Variants in DIP2B observed in about 807,000 individuals in gnomAD.
DIP2B encodes DIP2 acetate--CoA ligase B (putative).
DIP2B carries 76 observed loss-of-function variants against 198.0 expected under a neutral mutation model. The ratio of observed to expected loss-of-function variants is 0.38; its 90% confidence interval spans 0.32 to 0.46. The LOEUF is 0.46. Ranked by LOEUF, DIP2B falls within the 20% of genes least tolerant of loss-of-function variation. The probability of loss-of-function intolerance (pLI) is 0.99; values close to 1 mark genes in which losing one functional copy is unlikely to be tolerated. For missense variants in DIP2B, 1,559 were observed against 1,978.4 expected (o/e 0.79, Z 4.02); for synonymous variants, 701 against 739.1 (o/e 0.95, Z 0.84).
intron 1 of DIP2B, among the ~76,000 whole-genome samples, chr12:50,520,035 CTT>C (rs35179881): frequency 1.1e-3 from 106 of 100,582 alleles, no homozygotes; most frequent in South Asian, 8.6e-3. Context: ...ATTGAATCTC[CTT>C]TTTTTTTTTT....
At chr12:50,676,810 A>G (rs973348659) in intron 7 of DIP2B, among the ~76,000 whole-genome samples, 5 of 152,242 alleles carry the variant, frequency 3.3e-5, no homozygotes, top group African/African-American at 9.7e-5. Context: ...TACTATATAC[A>G]TAGTCTGTCC....
chr12:50,665,845 T>C (rs980752342), intron 4 of DIP2B, among the ~76,000 whole-genome samples: 1 of 152,166 alleles, frequency 6.6e-6, no homozygotes, highest in Non-Finnish European at 1.5e-5. Context: ...GGAATGAGCA[T>C]TTTTACAACC....
At chr12:50,563,459 T>G (rs1465998829) in intron 1 of DIP2B, among the ~76,000 whole-genome samples, 2 of 151,662 alleles carry the variant, frequency 1.3e-5, no homozygotes, top group African/African-American at 4.8e-5. Flanking sequence ...AGTGCTGGGA[T>G]TACAGGTATG....
chr12:50,556,485 A>G (rs1217422686), intron 1 of DIP2B, among the ~76,000 whole-genome samples: 2 of 152,076 alleles, frequency 1.3e-5, no homozygotes, highest in African/African-American at 4.8e-5. Flanking sequence ...AATATTACTA[A>G]TAGTAAAACA....
intron 1 of DIP2B, among the ~76,000 whole-genome samples, chr12:50,572,474 C>G (rs1286540877): frequency 6.6e-6 from 1 of 152,170 alleles, no homozygotes; most frequent in Non-Finnish European, 1.5e-5. Flanking sequence ...GCTGAGAATG[C>G]TTTCGCAACA....
At chr12:50,659,148 A>G (rs1938603129) in intron 3 of DIP2B, among the ~76,000 whole-genome samples, 2 of 152,172 alleles carry the variant, frequency 1.3e-5, no homozygotes, top group South Asian at 4.1e-4. Context: ...ATAGAAACAA[A>G]TCAACATTTG....
chr12:50,626,060 A>G lies in DIP2B; in HGVS notation c.172+13A>G, dbSNP rs1312159178. ...CCGCAGACACAAGGTAGGCAATAAA[A>G]AATGGTTTCAACTTTTTCAGTATTT... On this transcript the variant is annotated intron_variant, in intron 2 of 37. Transcript: ENST00000301180. 3 of 1,613,374 alleles carry G rather than the reference A, an allele frequency of 1.9e-6. No homozygotes were observed. Among genetic ancestry groups the G allele is most frequent in the Non-Finnish European group, 2.5e-6 (3 of 1,179,680 alleles).
chr12:50,587,185 A>G (rs1047562275), intron 1 of DIP2B, among the ~76,000 whole-genome samples: 1 of 152,222 alleles, frequency 6.6e-6, no homozygotes, highest in Non-Finnish European at 1.5e-5. Flanking sequence ...GTAGGCAAGC[A>G]GGATCTTTCT....
chr12:50,649,273 A>G lies in DIP2B; in HGVS notation c.301+8421A>G, dbSNP rs186670298. On this transcript the variant is annotated intron_variant, in intron 3 of 37. Transcript: ENST00000301180. ...TTGAAGTTCATTTGGGAAAATAAAC[A>G]TATAAGAATAGCTAAGAGAACACTG... Among the ~76,000 whole-genome samples, 272 of 152,356 alleles carry G rather than the reference A, an allele frequency of 1.8e-3. 3 individuals are homozygous for G. The highest frequency in any genetic ancestry group is 0.017 in the Admixed American group (253 of 15,302).
At chr12:50,695,993 G>A (rs1225909171) in intron 16 of DIP2B, 26 bp downstream of exon 16, 1 of 1,613,546 alleles carries the variant, frequency 6.2e-7, no homozygotes, top group South Asian at 1.1e-5. Flanking sequence ...TTGTGGATCT[G>A]GGAATATCCT....
intron 3 of DIP2B, chr12:50,657,179 T>C (rs1208673409): frequency 7.0e-6 from 1 of 143,836 alleles, no homozygotes; most frequent in East Asian, 2.0e-4. Context: ...AGCCCAGGAG[T>C]TTGAGACAGC....
chr12:50,721,644 A>T (rs1939837783), intron 26 of DIP2B, among the ~76,000 whole-genome samples: 6 of 152,188 alleles, frequency 3.9e-5, no homozygotes, highest in Non-Finnish European at 7.3e-5. Context: ...TGGCACATAA[A>T]AGGCACTCAG....
intron 2 of DIP2B, among the ~76,000 whole-genome samples, chr12:50,634,074 C>T (rs191385865): frequency 4.2e-4 from 64 of 152,292 alleles, no homozygotes; most frequent in Non-Finnish European, 7.8e-4. Context: ...ATCTCTTGCT[C>T]ATTCTGAGCT....
intron 3 of DIP2B, chr12:50,657,060 T>A (rs935109065): frequency 7.9e-5 from 12 of 151,952 alleles, no homozygotes; most frequent in African/African-American, 2.7e-4. Flanking sequence ...CACAAACTCG[T>A]GAAATGTTCC....
rs1215439230 is a variant in DIP2B at position 50,685,832 on chromosome 12, G to A, written c.1318-1G>A. ...CTATGTTCATTATCATTTCTCCACAGGATGCTGGAGGTCAGCAGATTGGCT... is the reference window on the plus strand; with the variant it reads ...CTATGTTCATTATCATTTCTCCACAAGATGCTGGAGGTCAGCAGATTGGCT... On this transcript the variant is annotated splice_acceptor_variant, in intron 10 of 37. Transcript: ENST00000301180. LOFTEE classifies it high-confidence loss of function. 1 of 1,613,022 alleles carries A rather than the reference G, an allele frequency of 6.2e-7. No individual in the cohort carries two copies. Among genetic ancestry groups the A allele is most frequent in the Non-Finnish European group, 8.5e-7 (1 of 1,179,504 alleles).
intron 22 of DIP2B, among the ~76,000 whole-genome samples, chr12:50,710,146 G>A (rs975388621): frequency 2.0e-5 from 3 of 152,088 alleles, no homozygotes; most frequent in African/African-American, 4.8e-5. Context: ...TATAAGGCAA[G>A]GCCAAGACTT....
intron 1 of DIP2B, among the ~76,000 whole-genome samples, chr12:50,594,174 G>C (rs544318742): frequency 1.1e-4 from 16 of 151,362 alleles, no homozygotes; most frequent in Admixed American, 4.0e-4. Context: ...GAATTCCTGA[G>C]CTCAGGTAAT....
At position 50,658,106 on chromosome 12, in the gene DIP2B, G is replaced by GA. The variant is rs1446980854; in HGVS notation, c.302-2080dup. ...CATCTCAAAAAAAAAAAAAAAGAAA[G>GA]AAAAAAAAGAAAAACAAGAATTTCT... On this transcript the variant is annotated intron_variant, in intron 3 of 37. Transcript: ENST00000301180. Among the ~76,000 whole-genome samples, 4 of 148,982 alleles carry GA rather than the reference G, an allele frequency of 2.7e-5. No individual in the cohort carries two copies. The South Asian group carries it at 6.4e-4, about 24-fold the overall frequency.
rs755148014 is a variant in DIP2B at position 50,695,270 on chromosome 12, G to T, written c.1723G>T (p.Val575Leu). 1 of 1,612,484 alleles carries T rather than the reference G, an allele frequency of 6.2e-7. No homozygotes were observed. Among genetic ancestry groups the T allele is most frequent in the Non-Finnish European group, 8.5e-7 (1 of 1,179,332 alleles). Residue 575 changes from valine (V) to leucine (L), a missense_variant, in exon 15 of 38, where the codon GTA becomes TTA. Val to Leu is a conservative substitution (Grantham distance 32). Transcript: ENST00000301180. ...TTCTTCTTTCTTTGTTTTTCAGAAT[G>T]TAATGAATAAGATGCACACAATCAG... Reference protein sequence around the residue: ...AGLWHGMFANVMNKMHTISVP... With the variant: ...AGLWHGMFANLMNKMHTISVP...
Sources: gnomAD v4.1 joint callset for allele counts (sites outside exome capture counted in the v4.1 genomes callset) on GRCh38, gnomAD v4.1.1 for gene constraint, MANE v1.5 for transcripts, NCBI Gene and HGNC (gene_info 2026-07-23, HGNC 2026-07-21) for gene names.